TRPC5: variants seen among roughly 807,000 people sequenced by gnomAD.
The protein encoded by TRPC5 is transient receptor potential cation channel subfamily C member 5.
TRPC5 carries 9 observed loss-of-function variants against 56.5 expected under a neutral mutation model. The ratio of observed to expected loss-of-function variants is 0.16; its 90% CI spans 0.10 to 0.28. The LOEUF is 0.28. Ranked by LOEUF, TRPC5 falls within the 10% of genes least tolerant of loss-of-function variation. The probability of loss-of-function intolerance (pLI) is 1.00; values close to 1 mark genes in which losing one functional copy is unlikely to be tolerated. For synonymous variants in TRPC5, 282 were observed against 278.5 expected (o/e 1.01, Z -0.13); for missense variants, 469 against 748.9 (o/e 0.63, Z 4.36).
chrX:112,017,342 G>A lies in TRPC5; in HGVS notation c.-22+64537C>T, dbSNP rs749171787. Among the ~76,000 whole-genome samples the A allele has an allele frequency of 6.6e-3, 731 of 111,185 alleles. 2 individuals carry two copies. The highest frequency in any genetic ancestry group is 0.011 in the Non-Finnish European group (572 of 53,085). On this transcript the variant is annotated intron_variant, in intron 1 of 10. Coordinates refer to ENST00000262839, the MANE Select transcript of TRPC5 (RefSeq NM_012471.3). Reference sequence around the variant, plus strand: ...TTATTACTACTTTTACAGAGGAAGAGAGAAACTTCTGGGGCAGGTAGAGAA... The same window carrying A: ...TTATTACTACTTTTACAGAGGAAGAAAGAAACTTCTGGGGCAGGTAGAGAA...
chrX:111,815,215 A>T (rs992454296), intron 7 of TRPC5, among the ~76,000 whole-genome samples: 3 of 111,365 alleles, frequency 2.7e-5, no homozygotes, highest in Non-Finnish European at 3.8e-5. Context: ...GAATTTGTTT[A>T]CATCAGTGGT....
At chrX:112,037,249 G>C (rs1329522734) in intron 1 of TRPC5, among the ~76,000 whole-genome samples, 1 of 111,076 alleles carries the variant, frequency 9.0e-6, no homozygotes, top group African/African-American at 3.3e-5. Flanking sequence ...TTACCTGGTG[G>C]ATCTTCTCTT....
intron 3 of TRPC5, among the ~76,000 whole-genome samples, chrX:111,905,497 TAATA>T (rs763628080): frequency 5.4e-5 from 6 of 112,146 alleles, no homozygotes; most frequent in Admixed American, 2.8e-4. Flanking sequence ...CTCTTCAGGG[TAATA>T]AATAATCCTT....
chrX:112,042,812 T>A lies in TRPC5; in HGVS notation c.-22+39067A>T, dbSNP rs182924778. ...AGACTGTAATATATCTTAGCTATATTTTTTTTTTTTACCAAATTTCCCCTC... is the reference window on the plus strand; with the variant it reads ...AGACTGTAATATATCTTAGCTATATATTTTTTTTTTACCAAATTTCCCCTC... On this transcript the variant is annotated intron_variant, in intron 1 of 10. Coordinates refer to ENST00000262839, the MANE Select transcript of TRPC5 (RefSeq NM_012471.3). Among the ~76,000 whole-genome samples, 442 of 86,556 alleles carry A rather than the reference T, an allele frequency of 5.1e-3. 1 individual carries two copies. The highest frequency in any genetic ancestry group is 7.1e-3 in the Non-Finnish European group (290 of 41,061). The allele number at this position is 86,556 out of a possible 115,157, so 75.2% of individuals were successfully genotyped here. A position where few individuals can be genotyped will look rare whatever the true frequency, so the allele number is the denominator to read the frequency against.
rs1259596474 is a variant in TRPC5, at chrX:112,058,812, T to G, written c.-22+23067A>C. Among the ~76,000 whole-genome samples, 3 of 111,840 alleles carry G rather than the reference T, an allele frequency of 2.7e-5. No homozygotes were observed. In the Admixed American group the frequency reaches 2.8e-4, roughly 11 times the overall value. ...TTTTAATAATCTTTTTGAGTACTCATTACATAATAGGCACTGTTCTATGTG... is the reference window on the plus strand; with the variant it reads ...TTTTAATAATCTTTTTGAGTACTCAGTACATAATAGGCACTGTTCTATGTG... On this transcript the variant is annotated intron_variant, in intron 1 of 10. Coordinates refer to ENST00000262839, the MANE Select transcript of TRPC5 (RefSeq NM_012471.3).
chrX:111,782,631 A>T (rs759034465), intron 7 of TRPC5, among the ~76,000 whole-genome samples: 15 of 111,500 alleles, frequency 1.3e-4, no homozygotes, highest in Non-Finnish European at 2.8e-4. Context: ...AGACAAGTAC[A>T]CACTAAACTG....
intron 1 of TRPC5, among the ~76,000 whole-genome samples, chrX:111,964,058 A>G (rs1364924939): frequency 9.0e-6 from 1 of 111,729 alleles, no homozygotes; most frequent in African/African-American, 3.3e-5. Flanking sequence ...CCAATAGCAA[A>G]GAAGTTAAGA....
At chrX:111,985,758 G>A (rs751056565) in intron 1 of TRPC5, among the ~76,000 whole-genome samples, 3 of 111,968 alleles carry the variant, frequency 2.7e-5, no homozygotes, top group African/African-American at 6.5e-5. Flanking sequence ...TAGGGACTCC[G>A]TGATTAAGTA....
chrX:112,053,734 G>A (rs1001243439), intron 1 of TRPC5, among the ~76,000 whole-genome samples: 3 of 111,421 alleles, frequency 2.7e-5, no homozygotes, highest in African/African-American at 9.8e-5. Flanking sequence ...ATTTCTTGGT[G>A]TTATTAACTA....
chrX:111,805,891 T>C (rs2148562656), intron 7 of TRPC5, among the ~76,000 whole-genome samples: 1 of 110,724 alleles, frequency 9.0e-6, no homozygotes, highest in Non-Finnish European at 1.9e-5. Context: ...CAGGCTGAAC[T>C]TGAACTCCTG....
rs751800757 is a variant in TRPC5 at position 111,944,220 on chromosome X, T to C, written c.378+7823A>G. 4.7e-5 allele frequency among the ~76,000 whole-genome samples: 5 copies of C among 107,347 alleles called. No individual in the cohort carries two copies. In the South Asian group the frequency reaches 2.2e-3, roughly 47 times the overall value. 93.2% of individuals were successfully genotyped at this position (107,347 alleles called of 115,157 possible). ...CTCTGTCTTGTAGGCCAGTGGCTTT[T>C]AAGCTGTGTTCACTCCTCAGAGGCC... On this transcript the variant is annotated intron_variant, in intron 2 of 10. Coordinates refer to ENST00000262839, the MANE Select transcript of TRPC5 (RefSeq NM_012471.3).
intron 7 of TRPC5, among the ~76,000 whole-genome samples, chrX:111,792,404 A>G (rs1197803630): frequency 1.8e-5 from 2 of 111,416 alleles, no homozygotes; most frequent in South Asian, 3.9e-4. Flanking sequence ...GCAAACCACC[A>G]TGGCACATGT....
chrX:111,952,533 G>C, intron 1 of TRPC5, 92 bp from the exon 2 acceptor site: 1 of 886,005 alleles, frequency 1.1e-6, no homozygotes, highest in South Asian at 3.0e-5. Context: ...TAAGGGGTTA[G>C]AAAATCCTAA....
In TRPC5 at chrX:112,001,561, A is replaced by T. The variant is rs183969153; in HGVS notation, c.-21-49120T>A. 1.8e-5 allele frequency among the ~76,000 whole-genome samples: 2 copies of T among 111,925 alleles called. 1 individual carries two copies. Among genetic ancestry groups the T allele is most frequent in the Admixed American group, 1.9e-4 (2 of 10,542 alleles). On this transcript the variant is annotated intron_variant, in intron 1 of 10. Coordinates refer to ENST00000262839, the MANE Select transcript of TRPC5 (RefSeq NM_012471.3). ...GATCACTTGAGGCTAGGAGTTCGAG[A>T]CCAGCCTGGCCAACACGGCAAAACC...
In TRPC5 at chrX:111,770,721, G is replaced by T. The variant is rs1254788020; in HGVS notation, c.*5592C>A. On this transcript the variant is annotated 3_prime_UTR_variant, in exon 11 of 11. Coordinates refer to ENST00000262839, the MANE Select transcript of TRPC5 (RefSeq NM_012471.3). ...TCTTCCTTCCAAGGGTCAGCTTTAA[G>T]AGTTGTGTAAGAGCGGAGAACTGTC... 2.7e-5 allele frequency among the ~76,000 whole-genome samples: 3 copies of T among 111,654 alleles called. No individual in the cohort carries two copies. Among genetic ancestry groups the T allele is most frequent in the African/African-American group, 9.8e-5 (3 of 30,729 alleles).
intron 1 of TRPC5, among the ~76,000 whole-genome samples, chrX:112,035,722 C>G (rs1268960393): frequency 1.8e-5 from 2 of 109,546 alleles, no homozygotes; most frequent in Non-Finnish European, 3.8e-5. Context: ...AGCTCCGCCT[C>G]CCAGGTTCAC....
In TRPC5 at chrX:111,894,646, G is replaced by A. The variant is rs147794804; in HGVS notation, c.900+17645C>T. On this transcript the variant is annotated intron_variant, in intron 3 of 10. Coordinates refer to ENST00000262839, the MANE Select transcript of TRPC5 (RefSeq NM_012471.3). The stretch of plus-strand genomic sequence containing the variant: ...TTTCATTAACTTTGATGACTGGCTT[G>A]CTGAATCCTGGTAAGACTCTTATCA... 3.4e-3 allele frequency among the ~76,000 whole-genome samples: 383 copies of A among 111,714 alleles called. 2 individuals are homozygous for A. Among genetic ancestry groups the A allele is most frequent in the African/African-American group, 0.012 (374 of 30,777 alleles).
chrX:111,853,455 C>G (rs1423053078), intron 4 of TRPC5, among the ~76,000 whole-genome samples: 1 of 111,982 alleles, frequency 8.9e-6, no homozygotes, highest in Non-Finnish European at 1.9e-5. Context: ...AGCACTTGCT[C>G]TGCTTACCTT....
chrX:112,008,521 A>T (rs1928901929), intron 1 of TRPC5, among the ~76,000 whole-genome samples: 1 of 108,002 alleles, frequency 9.3e-6, no homozygotes, highest in Non-Finnish European at 1.9e-5. Flanking sequence ...AATGGTGTGA[A>T]CCCGGGAGGT....
Sources: gnomAD v4.1 joint callset for allele counts (sites outside exome capture counted in the v4.1 genomes callset) on GRCh38, gnomAD v4.1.1 for gene constraint, MANE v1.5 for transcripts, NCBI Gene and HGNC (gene_info 2026-07-23, HGNC 2026-07-21) for gene names.